The following RGS8 variants were observed in gnomAD, a reference collection of about 807,000 sequenced individuals.
The protein encoded by RGS8 is regulator of G protein signaling 8.
RGS8 carries 8 observed loss-of-function variants against 21.7 expected under a neutral mutation model. The observed-to-expected ratio is 0.37, with a 90% confidence interval of 0.22 to 0.66. The LOEUF is 0.66. Among genes scored for constraint, RGS8 ranks in the 30% least tolerant of loss-of-function variants. The pLI is 0.59. For missense variants in RGS8, 157 were observed against 217.9 expected (o/e 0.72, Z 1.76); for synonymous variants, 80 against 83.6 (o/e 0.96, Z 0.24).
In RGS8 at chr1:182,669,726, G is replaced by A. The variant is rs894596551; in HGVS notation, c.-77C>T. 7.5e-6 allele frequency: 12 copies of A among 1,607,798 alleles called. No homozygotes were observed. The Admixed American group carries it at 1.9e-4, about 25-fold the overall frequency. On this transcript the variant is annotated 5_prime_UTR_variant, in exon 3 of 7. Transcript: ENST00000483095. ...GCAGGAAATAAGACTGCGGGGCTCA[G>A]GAATTTACCCTTGCACGTCCTCTCA...
At chr1:182,651,829 A>G (rs1293512152) in intron 5 of RGS8, among the ~76,000 whole-genome samples, 1 of 152,226 alleles carries the variant, frequency 6.6e-6, no homozygotes, top group Non-Finnish European at 1.5e-5. Context: ...GGAGCTGTGG[A>G]AGCCTCAGTG....
chr1:182,732,173 T>C, the RGS8 span, among the ~76,000 whole-genome samples: 1 of 152,096 alleles, frequency 6.6e-6, no homozygotes, highest in South Asian at 2.1e-4. Flanking sequence ...TAATTTCATC[T>C]TCAAAAAAAT....
chr1:182,709,850 T>C, the RGS8 span, among the ~76,000 whole-genome samples: 2 of 152,174 alleles, frequency 1.3e-5, no homozygotes, highest in African/African-American at 4.8e-5. Flanking sequence ...AAATTACCTA[T>C]CCCTTAGGGT....
At chr1:182,742,867 A>C in the RGS8 span, among the ~76,000 whole-genome samples, 1 of 152,246 alleles carries the variant, frequency 6.6e-6, no homozygotes, top group South Asian at 2.1e-4. Flanking sequence ...CTGAATGGTA[A>C]GGCAGAGATG....
the RGS8 span, among the ~76,000 whole-genome samples, chr1:182,734,122 T>C: frequency 6.6e-6 from 1 of 151,836 alleles, no homozygotes; most frequent in South Asian, 2.1e-4. Context: ...GGTTTCACCA[T>C]GTTGACCAGG....
At chr1:182,672,642 C>G (rs1010444804), upstream of RGS8, among the ~76,000 whole-genome samples, 1 of 152,142 alleles carries the variant, frequency 6.6e-6, no homozygotes, top group Non-Finnish European at 1.5e-5. Context: ...GTGCTCCTGC[C>G]TCTCACCTGG....
chr1:182,728,647 C>A, the RGS8 span, among the ~76,000 whole-genome samples: 1 of 152,094 alleles, frequency 6.6e-6, no homozygotes, highest in African/African-American at 2.4e-5. Context: ...TAATAGTATT[C>A]TTTAAAGATT....
chr1:182,683,437 C>T (rs1452797800), intron 1 of RGS8, among the ~76,000 whole-genome samples: 1 of 152,096 alleles, frequency 6.6e-6, no homozygotes, highest in Admixed American at 6.5e-5. Context: ...TAAGAACAAA[C>T]AATCCAGAAT....
intron 5 of RGS8, among the ~76,000 whole-genome samples, chr1:182,653,527 C>T (rs1470556937): frequency 6.6e-6 from 1 of 151,874 alleles, no homozygotes; most frequent in African/African-American, 2.4e-5. Context: ...AACCCCATCT[C>T]TACTAAAAAT....
chr1:182,747,865 T>C, the RGS8 span, among the ~76,000 whole-genome samples: 4 of 142,078 alleles, frequency 2.8e-5, no homozygotes, highest in Admixed American at 7.0e-5. Context: ...AAAAAAAAGG[T>C]AGTCCAGGCA....
upstream of RGS8, among the ~76,000 whole-genome samples, chr1:182,675,631 C>A (rs999682600): frequency 5.3e-5 from 8 of 152,154 alleles, no homozygotes; most frequent in African/African-American, 1.9e-4. Context: ...GTCCCTTCTG[C>A]CCGGAATGTC....
At chr1:182,747,848 G>GAA in the RGS8 span, among the ~76,000 whole-genome samples, 62,004 of 138,890 alleles carry the variant, frequency 0.45, 13,926 homozygotes, top group East Asian at 0.52. Context: ...CTAAAAATAC[G>GAA]AAAAAAAAAA....
At chr1:182,737,783 G>A in the RGS8 span, among the ~76,000 whole-genome samples, 1 of 151,948 alleles carries the variant, frequency 6.6e-6, no homozygotes, top group East Asian at 1.9e-4. Context: ...CTTTGGGGGC[G>A]ACCATTCAAC....
At chr1:182,686,750 C>G (rs902928593), upstream of RGS8, among the ~76,000 whole-genome samples, 1 of 152,104 alleles carries the variant, frequency 6.6e-6, no homozygotes, top group Non-Finnish European at 1.5e-5. Flanking sequence ...GATTTGGGAG[C>G]TCTCCACCTG....
At chr1:182,666,913 A>G in exon 4 of RGS8, 2 of 1,614,168 alleles carry the variant, frequency 1.2e-6, no homozygotes, top group Non-Finnish European at 1.7e-6. Flanking sequence ...TAGCTGTGAA[A>G]TCACTACACG....
upstream of RGS8, among the ~76,000 whole-genome samples, chr1:182,685,648 G>A (rs2102461335): frequency 6.6e-6 from 1 of 152,244 alleles, no homozygotes; most frequent in Middle Eastern, 3.4e-3. Flanking sequence ...GGCAGAACAC[G>A]ACTCTTGCAG....
At chr1:182,692,293 G>A in the RGS8 span, among the ~76,000 whole-genome samples, 13 of 152,006 alleles carry the variant, frequency 8.6e-5, no homozygotes, top group South Asian at 2.1e-4. Flanking sequence ...ATAAACCATC[G>A]GACCCAGCAG....
chr1:182,722,581 G>A, the RGS8 span, among the ~76,000 whole-genome samples: 1 of 152,048 alleles, frequency 6.6e-6, no homozygotes, highest in African/African-American at 2.4e-5. Flanking sequence ...GCTCCCAGCA[G>A]TCCTCGGGGT....
the RGS8 span, among the ~76,000 whole-genome samples, chr1:182,692,936 T>C: frequency 6.6e-6 from 1 of 152,172 alleles, no homozygotes; most frequent in Non-Finnish European, 1.5e-5. Context: ...ATACAGAAGA[T>C]TGAAACCAGA....
Sources: gnomAD v4.1 joint callset for allele counts (sites outside exome capture counted in the v4.1 genomes callset) on GRCh38, gnomAD v4.1.1 for gene constraint, MANE v1.5 for transcripts, NCBI Gene and HGNC (gene_info 2026-07-23, HGNC 2026-07-21) for gene names.